FHIT: variants seen among roughly 807,000 people sequenced by gnomAD.
FHIT encodes the protein fragile histidine triad diadenosine triphosphatase, also known as bis(5'-adenosyl)-triphosphatase.
Under a neutral mutation model 17.9 loss-of-function variants are expected in FHIT, and 19 were observed. That is an observed-to-expected ratio of 1.06 (90% confidence interval 0.74 to 1.56). The LOEUF (loss-of-function observed/expected upper bound fraction) is 1.56, where lower values mean the gene tolerates loss of function less well. Among genes scored for constraint, FHIT ranks in the 40% most tolerant of loss-of-function variants. The pLI is 0.00. For synonymous variants in FHIT, 81 were observed against 69.7 expected, an observed-to-expected ratio of 1.16 and a Z score of -0.81; for missense variants, 248 against 189.2, an observed-to-expected ratio of 1.31 and a Z score of -1.82.
chr3:61,126,439 G>C (rs1049788306), intron 2 of FHIT, among the ~76,000 whole-genome samples: 4 of 152,104 alleles, frequency 2.6e-5, no homozygotes, highest in Non-Finnish European at 5.9e-5. Flanking sequence ...TACAGTCATG[G>C]CGGAAGGGGA....
intron 5 of FHIT, among the ~76,000 whole-genome samples, chr3:60,340,774 C>CTTGGCTCACCACAACCT (rs1270463260): frequency 1.4e-4 from 21 of 152,218 alleles, no homozygotes; most frequent in Admixed American, 9.8e-4. Flanking sequence ...GTGGCGTCAT[C>CTTGGCTCACCACAACCT]TTGGCTCACC....
intron 4 of FHIT, among the ~76,000 whole-genome samples, chr3:60,819,696 T>C (rs1249493135): frequency 1.3e-5 from 2 of 152,182 alleles, no homozygotes; most frequent in African/African-American, 4.8e-5. Flanking sequence ...TTCACAACTA[T>C]TCTTTGAGCA....
intron 5 of FHIT, among the ~76,000 whole-genome samples, chr3:60,287,550 G>T (rs1204610843): frequency 6.6e-6 from 1 of 152,184 alleles, no homozygotes; most frequent in Non-Finnish European, 1.5e-5. Flanking sequence ...TTAATACTTA[G>T]AACACTGTTT....
At chr3:61,240,771 G>A (rs1194103407) in intron 1 of FHIT, among the ~76,000 whole-genome samples, 1 of 152,104 alleles carries the variant, frequency 6.6e-6, no homozygotes, top group Non-Finnish European at 1.5e-5. Context: ...TAACCCATTG[G>A]GATTGCTTTC....
intron 7 of FHIT, among the ~76,000 whole-genome samples, chr3:59,968,060 G>C (rs181319498): frequency 6.6e-6 from 1 of 152,074 alleles, no homozygotes; most frequent in Admixed American, 6.6e-5. Context: ...AAAAGACCAG[G>C]GGTAGGTAGT....
At chr3:59,760,931 C>T (rs538845518) in intron 8 of FHIT, among the ~76,000 whole-genome samples, 154 of 152,172 alleles carry the variant, frequency 1.0e-3, no homozygotes, top group African/African-American at 3.5e-3. Flanking sequence ...CAGCCACTTC[C>T]GCCTCCTAAA....
chr3:59,904,250 C>A (rs1575671411), intron 8 of FHIT, among the ~76,000 whole-genome samples: 1 of 142,844 alleles, frequency 7.0e-6, no homozygotes, highest in Admixed American at 7.0e-5. Flanking sequence ...GGGAAATTTA[C>A]CAGTAAGCTC....
intron 4 of FHIT, among the ~76,000 whole-genome samples, chr3:60,671,106 A>G (rs1662925719): frequency 6.6e-6 from 1 of 152,162 alleles, no homozygotes; most frequent in South Asian, 2.1e-4. Context: ...GGGTACACTC[A>G]CTCAGTGTCT....
intron 4 of FHIT, among the ~76,000 whole-genome samples, chr3:60,543,907 CTTTTTTTT>C (rs71092612): frequency 1.9e-5 from 1 of 52,076 alleles, no homozygotes; most frequent in African/African-American, 9.7e-5. Flanking sequence ...CCACGCCCGG[CTTTTTTTT>C]TTTTTTTTTT....
At chr3:60,516,032 G>C (rs190162206) in intron 5 of FHIT, among the ~76,000 whole-genome samples, 1 of 152,152 alleles carries the variant, frequency 6.6e-6, no homozygotes, top group Admixed American at 6.5e-5. Flanking sequence ...AGGCGGGGAA[G>C]GCAGGGAAAT....
At chr3:60,029,299 T>C (rs1240812526) in intron 5 of FHIT, among the ~76,000 whole-genome samples, 1 of 152,206 alleles carries the variant, frequency 6.6e-6, no homozygotes, top group Non-Finnish European at 1.5e-5. Flanking sequence ...AGTCCCACAC[T>C]GCTGTATAAG....
At chr3:60,585,356 G>T (rs187688192) in intron 4 of FHIT, among the ~76,000 whole-genome samples, 43 of 152,038 alleles carry the variant, frequency 2.8e-4, no homozygotes, top group African/African-American at 1.0e-3. Context: ...GTCAGACACA[G>T]GTGCATTTTG....
chr3:60,721,085 A>T lies in FHIT; in HGVS notation c.-18+100834T>A, dbSNP rs557475933. Among the ~76,000 whole-genome samples the T allele has an allele frequency of 3.9e-5, 6 of 152,250 alleles. No individual in the cohort carries two copies. The East Asian group carries it at 1.2e-3, about 30-fold the overall frequency. Reference sequence around the variant, plus strand: ...TAAATCTGTCATAATTGTTTTGTTGAAGCAATTGCTTTGTGGGAGCAATTA... The same window carrying T: ...TAAATCTGTCATAATTGTTTTGTTGTAGCAATTGCTTTGTGGGAGCAATTA... On this transcript the variant is annotated intron_variant, in intron 4 of 9. Transcript: ENST00000492590.
intron 4 of FHIT, among the ~76,000 whole-genome samples, chr3:60,537,733 T>A (rs1348380702): frequency 6.6e-6 from 1 of 152,152 alleles, no homozygotes; most frequent in Non-Finnish European, 1.5e-5. Flanking sequence ...CAAATCCATC[T>A]AGCACCAAGG....
intron 8 of FHIT, among the ~76,000 whole-genome samples, chr3:59,920,023 G>A (rs939015756): frequency 5.9e-5 from 9 of 152,160 alleles, no homozygotes; most frequent in Non-Finnish European, 5.9e-5. Context: ...GAGAAAATTG[G>A]GAATCTCACC....
intron 4 of FHIT, among the ~76,000 whole-genome samples, chr3:60,699,865 C>T (rs1268754873): frequency 6.6e-6 from 1 of 151,734 alleles, no homozygotes; most frequent in African/African-American, 2.4e-5. Context: ...ACACATACGC[C>T]AGGTACAGTG....
intron 7 of FHIT, among the ~76,000 whole-genome samples, chr3:59,961,413 A>G (rs1707675070): frequency 6.6e-6 from 1 of 152,172 alleles, no homozygotes; most frequent in Non-Finnish European, 1.5e-5. Context: ...CTGTACTTAT[A>G]GCTCTTTATT....
intron 5 of FHIT, among the ~76,000 whole-genome samples, chr3:60,521,304 A>G (rs144331801): frequency 0.011 from 1,661 of 152,056 alleles, 18 homozygotes; most frequent in Non-Finnish European, 0.017. Flanking sequence ...CTGGAGTGCA[A>G]TGGCATGATC....
At chr3:59,895,627 C>G (rs887771298) in intron 8 of FHIT, among the ~76,000 whole-genome samples, 3 of 152,140 alleles carry the variant, frequency 2.0e-5, no homozygotes, top group African/African-American at 7.2e-5. Flanking sequence ...TGACCAGCAC[C>G]AACATATTTC....
Sources: allele counts gnomAD v4.1 joint callset (sites outside exome capture counted in the v4.1 genomes callset), GRCh38; gene constraint gnomAD v4.1.1; transcripts MANE v1.5; gene names NCBI Gene and HGNC (gene_info 2026-07-23, HGNC 2026-07-21).